Variants in CARMIL1 observed in about 807,000 individuals in gnomAD.
CARMIL1 encodes capping protein regulator and myosin 1 linker 1.
CARMIL1 carries 90 observed loss-of-function variants against 177.1 expected under a neutral mutation model. That is an observed-to-expected ratio of 0.51 (90% confidence interval 0.43 to 0.61). CARMIL1 has a LOEUF of 0.61. Ranked by LOEUF, CARMIL1 falls within the 20% of genes least tolerant of loss-of-function variation. The probability of loss-of-function intolerance (pLI) is 0.00; values close to 1 mark genes in which losing one functional copy is unlikely to be tolerated. For synonymous variants in CARMIL1, 577 were observed against 606.2 expected (o/e 0.95, Z 0.71); for missense variants, 1,380 against 1,667.0 (o/e 0.83, Z 3.00).
At chr6:25,332,755 A>ACACACACACACACG (rs1401974956) in intron 2 of CARMIL1, among the ~76,000 whole-genome samples, 1 of 138,922 alleles carries the variant, frequency 7.2e-6, no homozygotes, top group African/African-American at 2.8e-5. Context: ...ACACACACAC[A>ACACACACACACACG]CACACACACA....
Position 25,509,063 on chromosome 6 carries a change from AT to A in CARMIL1, c.1396-590del, listed in dbSNP as rs1416593036. 6.6e-6 allele frequency among the ~76,000 whole-genome samples: 1 copy of A among 152,200 alleles called. No individual in the cohort carries two copies. The highest frequency in any genetic ancestry group is 1.9e-4 in the East Asian group (1 of 5,204). On this transcript the variant is annotated intron_variant, in intron 17 of 36. Transcript: ENST00000329474. The surrounding 1 kb of genome is among the most constrained non-coding windows in gnomAD (Gnocchi z 4.1). ...ATCATGATAATAATATTTTATATTA[AT>A]TTAACATTTTTCCATCCATGGCTCG...
intron 5 of CARMIL1, among the ~76,000 whole-genome samples, chr6:25,444,497 T>G (rs1174394008): frequency 6.6e-6 from 1 of 152,106 alleles, no homozygotes; most frequent in African/African-American, 2.4e-5. Flanking sequence ...TTACATTAGG[T>G]ATTTCTCCTA....
At chr6:25,557,472 C>A (rs909220835) in intron 29 of CARMIL1, among the ~76,000 whole-genome samples, 3 of 152,108 alleles carry the variant, frequency 2.0e-5, no homozygotes, top group African/African-American at 7.2e-5. Context: ...TTATCTGAAT[C>A]CTATTTCATT....
chr6:25,378,856 C>T (rs1220740916), intron 2 of CARMIL1, among the ~76,000 whole-genome samples: 1 of 150,916 alleles, frequency 6.6e-6, no homozygotes, highest in East Asian at 1.9e-4. Context: ...TAGAGGCATG[C>T]TCACAGTGCC....
intron 2 of CARMIL1, among the ~76,000 whole-genome samples, chr6:25,409,158 G>A (rs1012526964): frequency 2.0e-5 from 3 of 152,084 alleles, no homozygotes; most frequent in Admixed American, 6.6e-5. Context: ...AGTTACCATG[G>A]GAGTATTCTC....
At chr6:25,447,309 G>C (rs371750802) in intron 5 of CARMIL1, among the ~76,000 whole-genome samples, 5 of 152,192 alleles carry the variant, frequency 3.3e-5, no homozygotes, top group Non-Finnish European at 7.3e-5. Context: ...GTATTTAAAT[G>C]ATTTGATATG....
rs900314578 is a variant in CARMIL1, at chr6:25,441,002, C to T, written c.371+5398C>T. Among the ~76,000 whole-genome samples, 22 of 151,940 alleles carry T rather than the reference C, an allele frequency of 1.4e-4. No homozygotes were observed. The East Asian group carries it at 3.7e-3, about 25-fold the overall frequency. On this transcript the variant is annotated intron_variant, in intron 5 of 36. Transcript: ENST00000329474. ...GGGTAATCAGTTCTTGAATACTCTA[C>T]GTATGACTCTATATAAATGAACCTA...
At chr6:25,372,981 TC>T (rs1469213224) in intron 2 of CARMIL1, among the ~76,000 whole-genome samples, 1 of 152,246 alleles carries the variant, frequency 6.6e-6, no homozygotes, top group African/African-American at 2.4e-5. Flanking sequence ...GAATGCTTTT[TC>T]TGCATCTATT....
intron 34 of CARMIL1, among the ~76,000 whole-genome samples, chr6:25,605,362 A>G (rs1191480641): frequency 8.8e-6 from 1 of 113,334 alleles, no homozygotes; most frequent in Non-Finnish European, 2.1e-5. Context: ...TAGGTATAAT[A>G]AAATAAGAAA....
rs1035665924 is a variant in CARMIL1, at chr6:25,558,722, G to A, written c.2742+1872G>A. On this transcript the variant is annotated intron_variant, in intron 29 of 36. Coordinates refer to ENST00000329474, the MANE Select transcript of CARMIL1 (RefSeq NM_017640.6). This position sits in a 1 kb window ranked among gnomAD's most constrained non-coding sequence, Gnocchi z 4.1. ...ACGTTAGGAGGGTAGACTTTATCTG[G>A]TTTAAAGGGCCAAGGAGGTAAGCAG... Among the ~76,000 whole-genome samples, 4 of 152,216 alleles carry A rather than the reference G, an allele frequency of 2.6e-5. No individual in the cohort carries two copies. Among genetic ancestry groups the A allele is most frequent in the South Asian group, 2.1e-4 (1 of 4,818 alleles).
intron 29 of CARMIL1, 51 bp downstream of exon 29, chr6:25,556,901 A>AT (rs750077462): frequency 1.2e-4 from 161 of 1,349,048 alleles, no homozygotes; most frequent in Non-Finnish European, 1.3e-4. Context: ...GGACTGTGCC[A>AT]TTGTTTTTTT....
At chr6:25,351,876 T>C (rs1788138885) in intron 2 of CARMIL1, among the ~76,000 whole-genome samples, 1 of 152,198 alleles carries the variant, frequency 6.6e-6, no homozygotes, top group African/African-American at 2.4e-5. Flanking sequence ...AAAAATCTTA[T>C]TCAGCACTTC....
intron 36 of CARMIL1, among the ~76,000 whole-genome samples, chr6:25,613,221 C>T (rs886081844): frequency 6.6e-6 from 1 of 152,088 alleles, no homozygotes; most frequent in Non-Finnish European, 1.5e-5. Context: ...TCTTTACTCT[C>T]CTGTTAGGTT....
At chr6:25,307,129 C>T (rs1304325527) in intron 2 of CARMIL1, among the ~76,000 whole-genome samples, 1 of 152,124 alleles carries the variant, frequency 6.6e-6, no homozygotes, top group Non-Finnish European at 1.5e-5. Context: ...GATCCGCCTG[C>T]CTTGGTCTCC....
At chr6:25,306,879 C>CTTTTTT (rs35585232) in intron 2 of CARMIL1, among the ~76,000 whole-genome samples, 12 of 105,948 alleles carry the variant, frequency 1.1e-4, no homozygotes, top group Non-Finnish European at 1.5e-4. Flanking sequence ...AGTGCCTTGG[C>CTTTTTT]TTTTTTTTTT....
chr6:25,492,701 A>G (rs1468375179), intron 15 of CARMIL1, among the ~76,000 whole-genome samples: 3 of 152,204 alleles, frequency 2.0e-5, no homozygotes, highest in Non-Finnish European at 2.9e-5. Context: ...ATTTTAAATA[A>G]CATGGGTATT....
intron 2 of CARMIL1, among the ~76,000 whole-genome samples, chr6:25,412,596 T>C (rs191213269): frequency 6.6e-6 from 1 of 152,192 alleles, no homozygotes; most frequent in Non-Finnish European, 1.5e-5. Context: ...AAGGAGGAAA[T>C]TGAGGCACAG....
chr6:25,286,114 C>G (rs950368636), intron 2 of CARMIL1, among the ~76,000 whole-genome samples: 1 of 152,240 alleles, frequency 6.6e-6, no homozygotes, highest in Non-Finnish European at 1.5e-5. Context: ...CTCAAGCGAT[C>G]TGCCTGCCTC....
intron 5 of CARMIL1, among the ~76,000 whole-genome samples, chr6:25,442,058 C>G (rs1189409996): frequency 6.6e-6 from 1 of 151,874 alleles, no homozygotes; most frequent in African/African-American, 2.4e-5. Flanking sequence ...AGTAGGTAGC[C>G]TTTTGTTGTG....
Sources: gnomAD v4.1 joint callset for allele counts (sites outside exome capture counted in the v4.1 genomes callset) on GRCh38, gnomAD v4.1.1 for gene constraint, Gnocchi (gnomAD v3.1) non-coding constraint, MANE v1.5 for transcripts, NCBI Gene and HGNC (gene_info 2026-07-23, HGNC 2026-07-21) for gene names.